The following CHD2 variants were observed in gnomAD, a reference collection of about 807,000 sequenced individuals.
CHD2 encodes the protein chromodomain helicase DNA binding protein 2, also known as ATP-dependent chromatin remodeler CHD2.
Under a neutral mutation model 243.9 loss-of-function variants are expected in CHD2, and 28 were observed. That is an observed-to-expected ratio of 0.11 (90% CI 0.09 to 0.16). The LOEUF is 0.16. CHD2 is among the 10% of genes least tolerant of loss of function. CHD2 has a pLI of 1.00. For synonymous variants in CHD2, 775 were observed against 779.0 expected (o/e 0.99, Z 0.09); for missense variants, 1,386 against 2,209.8 (o/e 0.63, Z 7.47).
chr15:92,957,574 A>G (rs2053632124), intron 16 of CHD2, among the ~76,000 whole-genome samples: 1 of 151,988 alleles, frequency 6.6e-6, no homozygotes, highest in Non-Finnish European at 1.5e-5. Flanking sequence ...GCTGGTTCCC[A>G]TTGTCTAGAA....
intron 2 of CHD2, among the ~76,000 whole-genome samples, chr15:92,919,653 A>G (rs892735956): frequency 3.3e-5 from 5 of 152,154 alleles, no homozygotes; most frequent in African/African-American, 1.2e-4. Flanking sequence ...AGCCTCCCAA[A>G]GTGTTGGGAT....
intron 38 of CHD2, among the ~76,000 whole-genome samples, chr15:93,023,721 G>A (rs1476150944): frequency 6.6e-6 from 1 of 150,834 alleles, no homozygotes; most frequent in Non-Finnish European, 1.5e-5. Context: ...TGGGTGTGAA[G>A]TAGTCTCATT....
intron 36 of CHD2, 58 bp from the exon 37 acceptor site, chr15:93,014,638 T>G (rs2054435243): frequency 2.0e-6 from 3 of 1,498,700 alleles, no homozygotes; most frequent in Non-Finnish European, 1.8e-6. Flanking sequence ...GCCTTTATTC[T>G]TCTCTGGGGA....
At chr15:92,999,083 CAAAAAAAAAAAAAA>C (rs55738843) in intron 31 of CHD2, among the ~76,000 whole-genome samples, 255 of 65,544 alleles carry the variant, frequency 3.9e-3, no homozygotes, top group African/African-American at 0.016. Flanking sequence ...GACTCCGTCT[CAAAAAAAAAAAAAA>C]AAAAAAAAAA....
At chr15:93,022,782 T>C (rs1278836577) in intron 38 of CHD2, among the ~76,000 whole-genome samples, 2 of 152,228 alleles carry the variant, frequency 1.3e-5, no homozygotes, top group Admixed American at 1.3e-4. Context: ...CTTCTTCCTG[T>C]GTCACAGCCT....
At chr15:92,903,036 G>T (rs960953057) in intron 2 of CHD2, among the ~76,000 whole-genome samples, 2 of 152,120 alleles carry the variant, frequency 1.3e-5, no homozygotes, top group African/African-American at 4.8e-5. Flanking sequence ...TTTTAAATTG[G>T]TTTGTCAAGT....
At chr15:92,991,424 A>G in intron 26 of CHD2, 52 bp from the exon 27 acceptor site, 1 of 1,374,322 alleles carries the variant, frequency 7.3e-7, no homozygotes, top group Non-Finnish European at 1.0e-6. Context: ...GCATCAACAT[A>G]ACTAAAGTAA....
In CHD2 at chr15:92,967,400, G is replaced by A; in HGVS notation, c.2076G>A (p.Val692=). ...ATGGCTACCAGAGTCTTCATAAGGT[G>A]CTAGAGCCTTTCCTTCTCCGGAGAG... The part of the protein sequence containing the change: ...RENGYQSLHK[V]LEPFLLRRVK... The change falls in exon 17 of 39, where the codon GTG becomes GTA. Residue 692 remains valine, a synonymous_variant. Transcript: ENST00000394196. The A allele has an allele frequency of 1.9e-6, 3 of 1,613,604 alleles. No homozygotes were observed. The highest frequency in any genetic ancestry group is 2.5e-6 in the Non-Finnish European group (3 of 1,179,598).
rs199553245 is a variant in CHD2 at position 92,945,855 on chromosome 15, A to G, written c.1188A>G (p.Thr396=). 1.3e-5 allele frequency: 20 copies of G among 1,585,468 alleles called. No individual in the cohort carries two copies. The Admixed American group carries it at 3.2e-4, about 25-fold the overall frequency. The part of the protein sequence containing the change: ...VKTSKSTLGQ[T]DFPAHSRKPA... ...CAAGTAAATCTACATTGGGTCAAAC[A>G]GATTTTCCAGGTAAGCAAGAAATTT... Residue 396 remains threonine (T), a synonymous_variant, in exon 11 of 39, where the codon ACA becomes ACG. Transcript: ENST00000394196.
chr15:93,011,312 G>T (rs1043779720), intron 35 of CHD2, among the ~76,000 whole-genome samples: 1 of 152,206 alleles, frequency 6.6e-6, no homozygotes, highest in Non-Finnish European at 1.5e-5. Flanking sequence ...AAGGAAGTGC[G>T]TGAAGAGTAG....
intron 27 of CHD2, 198 bp downstream of exon 27, chr15:92,991,715 A>T (rs1421224785): frequency 9.1e-6 from 4 of 440,496 alleles, no homozygotes; most frequent in Non-Finnish European, 1.6e-5. Flanking sequence ...GATGATAAAG[A>T]CAGGCCATCC....
At chr15:92,915,400 G>A (rs1003496827) in intron 2 of CHD2, among the ~76,000 whole-genome samples, 1 of 151,786 alleles carries the variant, frequency 6.6e-6, no homozygotes, top group Non-Finnish European at 1.5e-5. Context: ...TCAGCCTCCC[G>A]AGTAGCTGGG....
At chr15:92,994,730 TAG>T in intron 28 of CHD2, among the ~76,000 whole-genome samples, 1 of 152,226 alleles carries the variant, frequency 6.6e-6, no homozygotes, top group Non-Finnish European at 1.5e-5. Context: ...TTTTAAATGG[TAG>T]TACAGCATGC....
chr15:93,001,431 G>A (rs570181423), intron 32 of CHD2, among the ~76,000 whole-genome samples: 5 of 152,334 alleles, frequency 3.3e-5, no homozygotes, highest in South Asian at 2.1e-4. Flanking sequence ...GAGTGTAATT[G>A]TACTTGGATA....
At chr15:92,917,673 G>A (rs780410535) in intron 2 of CHD2, among the ~76,000 whole-genome samples, 11 of 152,228 alleles carry the variant, frequency 7.2e-5, no homozygotes, top group Non-Finnish European at 1.0e-4. Flanking sequence ...AATGACATCG[G>A]TTTAATAATC....
intron 7 of CHD2, among the ~76,000 whole-genome samples, chr15:92,940,954 AATAT>A (rs1314911603): frequency 1.0e-4 from 13 of 124,304 alleles, no homozygotes; most frequent in Admixed American, 4.0e-4. Context: ...TATAAATATA[AATAT>A]ATATAAATAT....
At chr15:93,018,047 G>C (rs544984815) in intron 37 of CHD2, among the ~76,000 whole-genome samples, 1 of 152,108 alleles carries the variant, frequency 6.6e-6, no homozygotes, top group Non-Finnish European at 1.5e-5. Context: ...CCTCACAGAG[G>C]GTTTAAGAAG....
intron 37 of CHD2, among the ~76,000 whole-genome samples, 189 bp downstream of exon 37, chr15:93,015,098 A>T (rs1771495431): frequency 6.6e-6 from 1 of 151,880 alleles, no homozygotes; most frequent in African/African-American, 2.4e-5. Flanking sequence ...TGTTTGTTTG[A>T]GACTGAGTCT....
Position 92,980,811 on chromosome 15 carries a change from A to G in CHD2, c.2877-4A>G, listed in dbSNP as rs2053970013. 2 of 1,607,822 alleles carry G rather than the reference A, an allele frequency of 1.2e-6. No individual in the cohort carries two copies. Among genetic ancestry groups the G allele is most frequent in the Non-Finnish European group, 1.7e-6 (2 of 1,175,738 alleles). ...TTTCTAACAACTACATTTTACTTCC[A>G]CAGCTCAAATCCTTTTAATAAAGAA... On this transcript the variant is annotated splice_region_variant and splice_polypyrimidine_tract_variant and intron_variant, in intron 22 of 38. Coordinates refer to ENST00000394196, the MANE Select transcript of CHD2 (RefSeq NM_001271.4).
Sources: gnomAD v4.1 joint callset for allele counts (sites outside exome capture counted in the v4.1 genomes callset) on GRCh38, gnomAD v4.1.1 for gene constraint, MANE v1.5 for transcripts, NCBI Gene and HGNC (gene_info 2026-07-23, HGNC 2026-07-21) for gene names.